The following ZBTB38 variants were observed in gnomAD, a reference collection of about 807,000 sequenced individuals.
ZBTB38 encodes zinc finger and BTB domain containing 38.
A neutral mutation model predicts 76.8 loss-of-function variants in ZBTB38; 20 were observed. The observed-to-expected ratio is 0.26, with a 90% CI of 0.18 to 0.38. The LOEUF (loss-of-function observed/expected upper bound fraction) is 0.38. Ranked by LOEUF, ZBTB38 falls within the 10% of genes least tolerant of loss-of-function variation. ZBTB38 has a pLI of 1.00. For synonymous variants in ZBTB38, 504 were observed against 544.2 expected, an observed-to-expected ratio of 0.93 and a Z score of 1.03; for missense variants, 1,082 against 1,482.3, an observed-to-expected ratio of 0.73 and a Z score of 4.43.
chr3:141,404,839 C>T (rs1163836470), intron 5 of ZBTB38, among the ~76,000 whole-genome samples: 3 of 152,126 alleles, frequency 2.0e-5, no homozygotes, highest in African/African-American at 4.8e-5. Flanking sequence ...GCAAAGTGCC[C>T]GTCCTGGAGG....
At chr3:141,353,797 G>A (rs530146390) in intron 1 of ZBTB38, among the ~76,000 whole-genome samples, 1 of 152,288 alleles carries the variant, frequency 6.6e-6, no homozygotes, top group African/African-American at 2.4e-5. Flanking sequence ...TCTGATGACA[G>A]TCCTGGTTCA....
intron 5 of ZBTB38, among the ~76,000 whole-genome samples, chr3:141,415,396 C>T (rs1288503412): frequency 1.3e-5 from 2 of 152,142 alleles, no homozygotes; most frequent in African/African-American, 4.8e-5. Context: ...CAAAGAAAAG[C>T]CATCAGATGC....
chr3:141,397,766 T>C (rs189136130), intron 4 of ZBTB38, among the ~76,000 whole-genome samples: 3 of 152,282 alleles, frequency 2.0e-5, no homozygotes, highest in Non-Finnish European at 4.4e-5. Context: ...CATTTATCAA[T>C]AAAGTTCGCC....
chr3:141,445,664 G>A lies in ZBTB38; in HGVS notation c.3276G>A (p.Lys1092=). ...KIHERIHTGE[K]RYHCQFCFQR... is the part of the protein sequence containing the mutation. Reference sequence around the variant, plus strand: ...ATGAAAGAATCCATACTGGAGAAAAGCGTTACCACTGTCAGTTCTGCTTTC... The same window carrying A: ...ATGAAAGAATCCATACTGGAGAAAAACGTTACCACTGTCAGTTCTGCTTTC... The change falls in exon 6 of 6, where the codon AAG becomes AAA. Residue 1092 remains lysine, a synonymous_variant. Transcript: ENST00000321464. The surrounding 1 kb of genome is among the most constrained non-coding windows in gnomAD (Gnocchi z 6.5). 6.2e-7 allele frequency: 1 copy of A among 1,614,188 alleles called. No homozygotes were observed. Among genetic ancestry groups the A allele is most frequent in the South Asian group, 1.1e-5 (1 of 91,086 alleles).
chr3:141,372,653 C>CA (rs1296129222), intron 2 of ZBTB38, among the ~76,000 whole-genome samples: 427 of 104,278 alleles, frequency 4.1e-3, no homozygotes, highest in African/African-American at 9.9e-3. Context: ...ACTCCATCTC[C>CA]AAAAAAAAAA....
upstream of ZBTB38, chr3:141,367,476 T>C (rs1479019389): frequency 6.6e-6 from 1 of 152,280 alleles, no homozygotes; most frequent in African/African-American, 2.4e-5. Context: ...CATTCCTAAT[T>C]GTTTCATTGT....
chr3:141,390,577 T>C (rs565639289), intron 4 of ZBTB38, among the ~76,000 whole-genome samples: 74 of 152,338 alleles, frequency 4.9e-4, no homozygotes, highest in South Asian at 3.9e-3. Flanking sequence ...TTCACTGTTA[T>C]GTGAGAAGAA....
chr3:141,432,274 T>C, intron 5 of ZBTB38: 1 of 985,388 alleles, frequency 1.0e-6, no homozygotes, highest in Non-Finnish European at 1.2e-6. Flanking sequence ...CGTTCTTTTT[T>C]TAGTTAGGTT....
upstream of ZBTB38, chr3:141,366,239 C>CTGATAG (rs1215716924): frequency 6.6e-6 from 1 of 152,146 alleles, no homozygotes; most frequent in Non-Finnish European, 1.5e-5. Context: ...TCACATTATC[C>CTGATAG]TGATAGGATG....
rs537247715 is a variant in ZBTB38 at position 141,442,074 on chromosome 3, G to GAA, written c.1-302_1-301dup. The stretch of plus-strand genomic sequence containing the variant: ...TGATGATGAGACCCTTAACATTTCA[G>GAA]AAAAAAAAAAAAAACCTCCTCCCCT... On this transcript the variant is annotated intron_variant, in intron 5 of 5. Transcript: ENST00000321464. The surrounding 1 kb of genome is among the most constrained non-coding windows in gnomAD (Gnocchi z 6.4). Among the ~76,000 whole-genome samples, 63 of 130,678 alleles carry GAA rather than the reference G, an allele frequency of 4.8e-4. No individual in the cohort carries two copies. Among genetic ancestry groups the GAA allele is most frequent in the South Asian group, 7.2e-4 (3 of 4,166 alleles). The allele number at this position is 130,678 out of a possible 152,430, so 85.7% of individuals were successfully genotyped here.
intron 5 of ZBTB38, among the ~76,000 whole-genome samples, chr3:141,428,612 C>T (rs1399840794): frequency 6.6e-6 from 1 of 152,060 alleles, no homozygotes; most frequent in African/African-American, 2.4e-5. Context: ...CCCAGCCTCC[C>T]GAGTAGCTGG....
chr3:141,356,624 G>A (rs1483116893), intron 1 of ZBTB38, among the ~76,000 whole-genome samples: 2 of 151,542 alleles, frequency 1.3e-5, no homozygotes, highest in Non-Finnish European at 1.5e-5. Flanking sequence ...GGAAACCAAG[G>A]CAGAGCAGCA....
At chr3:141,354,601 A>C (rs554558397) in intron 1 of ZBTB38, among the ~76,000 whole-genome samples, 4 of 152,094 alleles carry the variant, frequency 2.6e-5, no homozygotes, top group African/African-American at 9.6e-5. Flanking sequence ...GGCTCCCTAC[A>C]TCCTCCCTTG....
In ZBTB38 at chr3:141,444,064, G is replaced by A; in HGVS notation, c.1676G>A (p.Ser559Asn). The A allele has an allele frequency of 6.2e-7, 1 of 1,614,132 alleles. No individual in the cohort carries two copies. Among genetic ancestry groups the A allele is most frequent in the Non-Finnish European group, 8.5e-7 (1 of 1,180,030 alleles). The change falls in exon 6 of 6, where the codon AGT becomes AAT. Residue 559 changes from serine to asparagine, a missense_variant. By Grantham distance (46) the Ser-to-Asn change is conservative. Coordinates refer to ENST00000321464, the MANE Select transcript of ZBTB38 (RefSeq NM_001376113.1). This position sits in a 1 kb window ranked among gnomAD's most constrained non-coding sequence, Gnocchi z 5.1. ...KKTANGGLKP[S>N]VYPYKLYRLL... is the part of the protein sequence containing the mutation. ...ACAGCAAATGGAGGCTTGAAGCCTA[G>A]TGTCTATCCGTATAAACTTTATAGG...
upstream of ZBTB38, among the ~76,000 whole-genome samples, chr3:141,365,704 G>C (rs1197265966): frequency 6.6e-6 from 1 of 152,120 alleles, no homozygotes; most frequent in Non-Finnish European, 1.5e-5. Context: ...AACTAGATGA[G>C]TGGTCATCTA....
intron 3 of ZBTB38, among the ~76,000 whole-genome samples, chr3:141,385,753 T>C (rs896631139): frequency 4.6e-5 from 7 of 151,954 alleles, no homozygotes; most frequent in African/African-American, 9.7e-5. Context: ...AAAAAATTAA[T>C]TCCTCACCAT....
chr3:141,421,079 C>T (rs2150156928), intron 5 of ZBTB38, among the ~76,000 whole-genome samples: 1 of 151,840 alleles, frequency 6.6e-6, no homozygotes, highest in African/African-American at 2.4e-5. Flanking sequence ...TTACTACTTG[C>T]TATGTACTTG....
At chr3:141,394,332 C>G (rs1045625693) in intron 4 of ZBTB38, 23 of 152,232 alleles carry the variant, frequency 1.5e-4, no homozygotes, top group Admixed American at 1.4e-3. Context: ...TTCCATTTCT[C>G]TCCCAAGTCT....
chr3:141,378,849 T>G (rs566375626), intron 2 of ZBTB38, among the ~76,000 whole-genome samples: 1 of 152,340 alleles, frequency 6.6e-6, no homozygotes, highest in Admixed American at 6.5e-5. Flanking sequence ...CAAAGCTAGG[T>G]AGATTCAGAT....
Sources: allele counts gnomAD v4.1 joint callset (sites outside exome capture counted in the v4.1 genomes callset), GRCh38; gene constraint gnomAD v4.1.1; non-coding constraint Gnocchi (gnomAD v3.1); transcripts MANE v1.5; gene names NCBI Gene and HGNC (gene_info 2026-07-23, HGNC 2026-07-21).